Variants in EGF observed in about 807,000 individuals in gnomAD.
The protein encoded by EGF is pro-epidermal growth factor.
In EGF, 95 loss-of-function variants were observed where a neutral mutation model predicts 143.8. The ratio of observed to expected loss-of-function variants is 0.66; its 90% CI spans 0.56 to 0.78. The LOEUF (loss-of-function observed/expected upper bound fraction) is 0.78, where lower values mean the gene tolerates loss of function less well. EGF is among the 30% of genes least tolerant of loss of function. The pLI, the probability that EGF is intolerant of heterozygous loss-of-function variation, is 0.00. For synonymous variants in EGF, 510 were observed against 510.5 expected (o/e 1.00, Z 0.01); for missense variants, 1,320 against 1,470.9 (o/e 0.90, Z 1.68).
intron 11 of EGF, among the ~76,000 whole-genome samples, chr4:109,971,497 G>A (rs1443286228): frequency 2.0e-5 from 3 of 152,066 alleles, no homozygotes; most frequent in African/African-American, 7.2e-5. Flanking sequence ...ACATTCACAA[G>A]GGACCTCTAA....
chr4:109,970,510 T>C (rs1020134420), intron 11 of EGF, among the ~76,000 whole-genome samples: 1 of 152,132 alleles, frequency 6.6e-6, no homozygotes, highest in Non-Finnish European at 1.5e-5. Flanking sequence ...GTAGGCATTT[T>C]GTGTCCTAGA....
At chr4:109,968,861 T>A in intron 10 of EGF, 110 bp from the exon 11 acceptor site, 1 of 1,471,724 alleles carries the variant, frequency 6.8e-7, no homozygotes, top group Non-Finnish European at 9.4e-7. Flanking sequence ...TGTGCCTATC[T>A]CCAAAGTCAA....
intron 21 of EGF, chr4:110,001,771 T>A: frequency 1.0e-6 from 1 of 985,432 alleles, no homozygotes; most frequent in Non-Finnish European, 1.2e-6. Context: ...CAGACTCTCA[T>A]ACTCCAAAAA....
chr4:109,970,785 A>C (rs941717020), intron 11 of EGF, among the ~76,000 whole-genome samples: 5 of 140,392 alleles, frequency 3.6e-5, no homozygotes, highest in African/African-American at 1.4e-4. Flanking sequence ...AGATCGCACC[A>C]CTGCACTCCA....
intron 18 of EGF, among the ~76,000 whole-genome samples, chr4:109,991,643 T>C (rs1477238696): frequency 6.6e-6 from 1 of 152,230 alleles, no homozygotes; most frequent in African/African-American, 2.4e-5. Context: ...ATGACTTTTC[T>C]GATATAGTTT....
At chr4:109,992,772 A>G (rs1204271430) in intron 18 of EGF, among the ~76,000 whole-genome samples, 2 of 152,108 alleles carry the variant, frequency 1.3e-5, no homozygotes, top group Admixed American at 6.5e-5. Context: ...CAACCATAAA[A>G]AATGATGAGT....
intron 5 of EGF, among the ~76,000 whole-genome samples, chr4:109,957,606 G>A (rs941552863): frequency 3.9e-5 from 6 of 152,204 alleles, no homozygotes; most frequent in African/African-American, 1.2e-4. Context: ...AGACAAAGGA[G>A]ACTTCTTTAT....
Position 109,945,258 on chromosome 4 carries a change from A to G in EGF, c.923A>G (p.Asp308Gly). Residue 308 changes from aspartate (D) to glycine (G), a missense_variant, in exon 5 of 24, where the codon GAT becomes GGT. Transcript: ENST00000265171. Reference protein sequence around the residue: ...VHPLAQPKAEDDTWEPEQKLC... With the variant: ...VHPLAQPKAEGDTWEPEQKLC... ...CCACTTGCACAACCCAAGGCAGAAG[A>G]TGACACTTGGGAGCCTGGTGAGTCA... is the stretch of plus-strand genomic sequence containing the variant. 6.2e-7 allele frequency: 1 copy of G among 1,613,978 alleles called. No homozygotes were observed.
At chr4:109,964,611 C>A in intron 10 of EGF, 74 bp downstream of exon 10, 1 of 1,596,368 alleles carries the variant, frequency 6.3e-7, no homozygotes, top group East Asian at 2.2e-5. Context: ...TAACAAATGA[C>A]CTGGCCTACT....
intron 19 of EGF, among the ~76,000 whole-genome samples, chr4:109,993,609 A>G (rs965864755): frequency 6.6e-6 from 1 of 152,146 alleles, no homozygotes; most frequent in South Asian, 2.1e-4. Flanking sequence ...AGATGGGAAC[A>G]TGGGTATCTC....
intron 17 of EGF, among the ~76,000 whole-genome samples, chr4:109,988,205 T>C (rs1017329897): frequency 6.6e-6 from 1 of 151,936 alleles, no homozygotes; most frequent in African/African-American, 2.4e-5. Context: ...TTTTTTTTTT[T>C]TTTTTACCCC....
At chr4:109,922,716 A>G (rs1271468653) in intron 1 of EGF, among the ~76,000 whole-genome samples, 1 of 151,620 alleles carries the variant, frequency 6.6e-6, no homozygotes, top group Non-Finnish European at 1.5e-5. Context: ...TCAACGCCCT[A>G]TGTCTGGCAT....
chr4:109,922,902 C>CA (rs932696757), intron 1 of EGF, among the ~76,000 whole-genome samples: 1 of 151,502 alleles, frequency 6.6e-6, no homozygotes, highest in Non-Finnish European at 1.5e-5. Flanking sequence ...TACTCTCTAC[C>CA]AAAAACCATA....
At chr4:109,981,101 G>T in intron 15 of EGF, 126 bp downstream of exon 15, 1 of 1,415,580 alleles carries the variant, frequency 7.1e-7, no homozygotes, top group South Asian at 1.2e-5. Flanking sequence ...TTTTAGGAAT[G>T]CTAAGAATTT....
At chr4:109,998,624 G>A (rs570111009) in intron 20 of EGF, among the ~76,000 whole-genome samples, 1 of 152,346 alleles carries the variant, frequency 6.6e-6, no homozygotes, top group East Asian at 1.9e-4. Context: ...TCCTCTGTGA[G>A]TGAGTTGCCC....
At chr4:109,995,913 G>T (rs1217943526) in intron 20 of EGF, among the ~76,000 whole-genome samples, 1 of 152,152 alleles carries the variant, frequency 6.6e-6, no homozygotes, top group Admixed American at 6.5e-5. Context: ...GTGAAAAATT[G>T]CTCATGAATA....
At chr4:109,974,598 G>C (rs758265605) in intron 11 of EGF, 105 bp from the exon 12 acceptor site, 96 of 809,502 alleles carry the variant, frequency 1.2e-4, no homozygotes, top group Non-Finnish European at 1.9e-4. Flanking sequence ...AATAGGAGCT[G>C]GTTTAGAATG....
chr4:109,917,660 G>A (rs558043737), intron 1 of EGF, among the ~76,000 whole-genome samples: 38 of 151,898 alleles, frequency 2.5e-4, no homozygotes, highest in Admixed American at 2.3e-3. Flanking sequence ...TTGCTCTGTC[G>A]CCCAGGCTGG....
chr4:110,003,699 A>ACCCCCCCCCCCCCCCCCCCCCCC (rs1752871706), intron 21 of EGF, among the ~76,000 whole-genome samples: 1 of 76,202 alleles, frequency 1.3e-5, no homozygotes, highest in Admixed American at 1.4e-4. Context: ...AAATCTCCCC[A>ACCCCCCCCCCCCCCCCCCCCCCC]CCCCCACCCC....
Sources: allele counts gnomAD v4.1 joint callset (sites outside exome capture counted in the v4.1 genomes callset), GRCh38; gene constraint gnomAD v4.1.1; transcripts MANE v1.5; gene names NCBI Gene and HGNC (gene_info 2026-07-23, HGNC 2026-07-21).